Variants in SETBP1 observed in about 807,000 individuals in gnomAD.
SETBP1 encodes the protein SET binding protein 1.
In SETBP1, 9 loss-of-function variants were observed where a neutral mutation model predicts 101.0. That is an observed-to-expected ratio of 0.09 (90% CI 0.05 to 0.16). The LOEUF (loss-of-function observed/expected upper bound fraction) is 0.16, where lower values mean the gene tolerates loss of function less well. Ranked by LOEUF, SETBP1 falls within the 10% of genes least tolerant of loss-of-function variation. SETBP1 has a pLI of 1.00. For missense variants in SETBP1, 1,858 were observed against 2,033.8 expected (o/e 0.91, Z 1.66); for synonymous variants, 818 against 788.5 (o/e 1.04, Z -0.63).
intron 1 of SETBP1, among the ~76,000 whole-genome samples, chr18:44,688,726 T>G (rs1429285160): frequency 3.3e-5 from 5 of 152,174 alleles, no homozygotes; most frequent in Non-Finnish European, 5.9e-5. Flanking sequence ...GTGCTGGGAT[T>G]ACAGGCATGA....
At chr18:44,725,280 A>C (rs1451318731) in intron 2 of SETBP1, among the ~76,000 whole-genome samples, 6 of 152,176 alleles carry the variant, frequency 3.9e-5, no homozygotes, top group African/African-American at 7.2e-5. Context: ...GAATAATTTC[A>C]TATAATTTCA....
intron 4 of SETBP1, chr18:44,986,893 T>C (rs935898429): frequency 7.1e-6 from 1 of 140,752 alleles, no homozygotes; most frequent in African/African-American, 2.6e-5. Context: ...AAAATAACAA[T>C]AGTTAGTATA....
intron 2 of SETBP1, among the ~76,000 whole-genome samples, chr18:44,778,549 A>G (rs1038735388): frequency 3.9e-5 from 6 of 152,240 alleles, no homozygotes; most frequent in African/African-American, 1.4e-4. Context: ...ACAAACAAAC[A>G]AAAAGCCTCT....
intron 3 of SETBP1, among the ~76,000 whole-genome samples, chr18:44,940,075 G>A (rs2071052644): frequency 6.6e-6 from 1 of 152,172 alleles, no homozygotes; most frequent in African/African-American, 2.4e-5. Flanking sequence ...AACAAATTTA[G>A]GATGATTGTC....
At chr18:44,849,669 TGAGAGAGAGA>T (rs3085859) in intron 2 of SETBP1, among the ~76,000 whole-genome samples, 8 of 148,602 alleles carry the variant, frequency 5.4e-5, no homozygotes, top group Non-Finnish European at 1.0e-4. Context: ...AGCACTGGGA[TGAGAGAGAGA>T]GAGAGAGAGA....
At chr18:44,884,194 C>T (rs1370667592) in intron 3 of SETBP1, among the ~76,000 whole-genome samples, 1 of 152,208 alleles carries the variant, frequency 6.6e-6, no homozygotes, top group Non-Finnish European at 1.5e-5. Context: ...ACAGCTTCAA[C>T]ACTGGCTATC....
chr18:44,799,130 T>C (rs1316696275), intron 2 of SETBP1, among the ~76,000 whole-genome samples: 1 of 152,196 alleles, frequency 6.6e-6, no homozygotes, highest in African/African-American at 2.4e-5. Flanking sequence ...AATCAAAGCT[T>C]GAGGATTTTT....
intron 4 of SETBP1, among the ~76,000 whole-genome samples, chr18:44,983,194 G>A (rs544950897): frequency 6.6e-6 from 1 of 152,276 alleles, no homozygotes; most frequent in South Asian, 2.1e-4. Context: ...GAATCATAGA[G>A]TTGGAGGCAT....
chr18:44,689,981 C>G (rs775910005), intron 1 of SETBP1, among the ~76,000 whole-genome samples: 2 of 152,174 alleles, frequency 1.3e-5, no homozygotes, highest in African/African-American at 2.4e-5. Context: ...GACTTCCACA[C>G]ATAGCACACA....
chr18:44,842,192 G>C (rs532756307), intron 2 of SETBP1, among the ~76,000 whole-genome samples: 2 of 152,330 alleles, frequency 1.3e-5, no homozygotes, highest in East Asian at 3.9e-4. Flanking sequence ...CACATTGCAG[G>C]TTGCCACTTG....
intron 4 of SETBP1, among the ~76,000 whole-genome samples, chr18:45,034,012 G>GTTTATATGTAT: frequency 1.3e-5 from 2 of 152,140 alleles, no homozygotes; most frequent in East Asian, 3.8e-4. Context: ...ATAAACCATG[G>GTTTATATGTAT]AACAACATAC....
intron 2 of SETBP1, among the ~76,000 whole-genome samples, chr18:44,860,229 G>A (rs1051339928): frequency 1.3e-5 from 2 of 152,150 alleles, no homozygotes; most frequent in Non-Finnish European, 2.9e-5. Flanking sequence ...CTTGGCATAT[G>A]TTCAAGGAGG....
intron 3 of SETBP1, among the ~76,000 whole-genome samples, chr18:44,930,236 G>A (rs1247983287): frequency 6.6e-6 from 1 of 152,172 alleles, no homozygotes. Flanking sequence ...GCTGGATTAT[G>A]TTTATGGATT....
intron 2 of SETBP1, among the ~76,000 whole-genome samples, chr18:44,789,531 A>G (rs1276264307): frequency 3.9e-5 from 6 of 152,240 alleles, no homozygotes; most frequent in African/African-American, 9.6e-5. Flanking sequence ...AAGATCACTC[A>G]GCAGAATTTA....
chr18:44,982,662 G>T (rs989896868), intron 4 of SETBP1, among the ~76,000 whole-genome samples: 1 of 152,184 alleles, frequency 6.6e-6, no homozygotes. Context: ...TATTTCTTCT[G>T]CAGCAGAATA....
At chr18:44,882,645 C>T (rs906749465) in intron 3 of SETBP1, among the ~76,000 whole-genome samples, 1 of 152,080 alleles carries the variant, frequency 6.6e-6, no homozygotes, top group African/African-American at 2.4e-5. Context: ...AGCCCTCCTT[C>T]CCCCAGCTGT....
At chr18:44,979,756 C>A (rs925426753) in intron 4 of SETBP1, among the ~76,000 whole-genome samples, 1 of 152,324 alleles carries the variant, frequency 6.6e-6, no homozygotes, top group South Asian at 2.1e-4. Flanking sequence ...GGTCAAGGCT[C>A]AAGAAAACTC....
At chr18:45,002,725 T>G (rs1478503077) in intron 4 of SETBP1, among the ~76,000 whole-genome samples, 3 of 152,224 alleles carry the variant, frequency 2.0e-5, no homozygotes, top group Non-Finnish European at 4.4e-5. Flanking sequence ...GTGCTCAAAC[T>G]TCAGCAACTC....
chr18:44,818,392 T>C (rs764162438), intron 2 of SETBP1, among the ~76,000 whole-genome samples: 1 of 152,178 alleles, frequency 6.6e-6, no homozygotes, highest in African/African-American at 2.4e-5. Flanking sequence ...GCAGTGACAT[T>C]GGCCAAGGTC....
Sources: gnomAD v4.1 joint callset for allele counts (sites outside exome capture counted in the v4.1 genomes callset) on GRCh38, gnomAD v4.1.1 for gene constraint, MANE v1.5 for transcripts, NCBI Gene and HGNC (gene_info 2026-07-23, HGNC 2026-07-21) for gene names.